The following PTPRD variants were observed in gnomAD, a reference collection of about 807,000 sequenced individuals.
PTPRD encodes the protein receptor-type tyrosine-protein phosphatase delta.
Under a neutral mutation model 214.5 loss-of-function variants are expected in PTPRD, and 34 were observed. The ratio of observed to expected loss-of-function variants is 0.16; its 90% CI spans 0.12 to 0.21. The LOEUF is 0.21. Among genes scored for constraint, PTPRD ranks in the 10% least tolerant of loss-of-function variants. The pLI is 1.00. For missense variants in PTPRD, 2,545 were observed against 2,398.7 expected (o/e 1.06, Z -1.27); for synonymous variants, 1,128 against 845.7 (o/e 1.33, Z -5.79).
chr9:9,517,790 G>A (rs977455788), intron 8 of PTPRD, among the ~76,000 whole-genome samples: 3 of 151,888 alleles, frequency 2.0e-5, no homozygotes, highest in African/African-American at 2.4e-5. Context: ...TAACACATAT[G>A]ACCCTAATTT....
Position 9,404,831 on chromosome 9 carries a change from G to C in PTPRD, c.-236-7349C>G, listed in dbSNP as rs936969416. 3.9e-5 allele frequency among the ~76,000 whole-genome samples: 6 copies of C among 151,982 alleles called. No homozygotes were observed. The South Asian group carries it at 1.0e-3, about 26-fold the overall frequency. ...CCGAGAAGTCCTGATATTAAGAGTG[G>C]GAACTGAAGACATGTTGCAACAAAA... On this transcript the variant is annotated intron_variant, in intron 8 of 45. Transcript: ENST00000381196.
At chr9:10,284,881 G>C (rs1333863302) in intron 3 of PTPRD, among the ~76,000 whole-genome samples, 2 of 152,126 alleles carry the variant, frequency 1.3e-5, no homozygotes, top group African/African-American at 2.4e-5. Context: ...GGGAATGTAA[G>C]GAATTGAGAT....
intron 5 of PTPRD, chr9:9,803,579 A>G (rs1327556890): frequency 6.6e-6 from 1 of 151,958 alleles, no homozygotes; most frequent in Admixed American, 6.6e-5. Flanking sequence ...CTGTTTTAAT[A>G]AGGCATCTGA....
intron 8 of PTPRD, among the ~76,000 whole-genome samples, chr9:9,402,835 A>T (rs530987531): frequency 7.2e-5 from 11 of 151,996 alleles, no homozygotes; most frequent in African/African-American, 2.7e-4. Context: ...TAAAGGAAGA[A>T]TTAATGGGCA....
At chr9:8,835,455 A>G (rs1454519179) in intron 11 of PTPRD, among the ~76,000 whole-genome samples, 2 of 152,224 alleles carry the variant, frequency 1.3e-5, no homozygotes, top group Non-Finnish European at 2.9e-5. Flanking sequence ...TTAAAGCAAC[A>G]GTGATTCAAC....
At chr9:9,263,553 T>C (rs2099981061) in intron 9 of PTPRD, among the ~76,000 whole-genome samples, 1 of 151,720 alleles carries the variant, frequency 6.6e-6, no homozygotes, top group Admixed American at 6.6e-5. Context: ...CATTATATTC[T>C]TGGTACTTAG....
intron 44 of PTPRD, among the ~76,000 whole-genome samples, chr9:8,326,531 C>G (rs888153272): frequency 2.0e-5 from 3 of 151,308 alleles, no homozygotes; most frequent in African/African-American, 7.3e-5. Flanking sequence ...CTGGAATTTT[C>G]TTTTTTGTTG....
At chr9:8,923,459 G>A (rs1488990951) in intron 11 of PTPRD, among the ~76,000 whole-genome samples, 1 of 151,858 alleles carries the variant, frequency 6.6e-6, no homozygotes, top group Admixed American at 6.6e-5. Flanking sequence ...CCACTCCTGT[G>A]GCCCGTGGTC....
intron 11 of PTPRD, among the ~76,000 whole-genome samples, chr9:8,836,818 G>C (rs984746732): frequency 5.3e-5 from 8 of 151,510 alleles, no homozygotes; most frequent in African/African-American, 1.9e-4. Context: ...GGATGGTCTT[G>C]ATCTCCTGAC....
At chr9:9,550,404 G>C (rs1251137346) in intron 8 of PTPRD, among the ~76,000 whole-genome samples, 1 of 120,454 alleles carries the variant, frequency 8.3e-6, no homozygotes, top group Admixed American at 8.5e-5. Flanking sequence ...TATATGAAAT[G>C]TATAATTTTA....
intron 6 of PTPRD, among the ~76,000 whole-genome samples, chr9:9,765,692 GC>G (rs1318479163): frequency 6.6e-6 from 1 of 152,076 alleles, no homozygotes; most frequent in Non-Finnish European, 1.5e-5. Flanking sequence ...ACGGAGTCTC[GC>G]TCTGTCGCCC....
chr9:8,846,466 A>T (rs1316571827), intron 11 of PTPRD, among the ~76,000 whole-genome samples: 1 of 152,232 alleles, frequency 6.6e-6, no homozygotes, highest in Admixed American at 6.5e-5. Flanking sequence ...ATGCATTATG[A>T]TAGACACTAT....
chr9:10,460,810 G>C (rs940311824), intron 2 of PTPRD, among the ~76,000 whole-genome samples: 2 of 152,052 alleles, frequency 1.3e-5, no homozygotes, highest in African/African-American at 4.8e-5. Flanking sequence ...TAGAGGAAAA[G>C]CTCCTTGACA....
intron 10 of PTPRD, among the ~76,000 whole-genome samples, chr9:9,047,660 T>C (rs2099675558): frequency 6.6e-6 from 1 of 152,124 alleles, no homozygotes. Context: ...AGACAGTCTC[T>C]TCAATAAATG....
intron 39 of PTPRD, among the ~76,000 whole-genome samples, chr9:8,355,824 T>A (rs143743017): frequency 2.0e-4 from 31 of 152,286 alleles, no homozygotes; most frequent in African/African-American, 6.7e-4. Context: ...AGATTGTGCA[T>A]TTCCAACAAG....
intron 14 of PTPRD, among the ~76,000 whole-genome samples, chr9:8,604,501 A>G (rs914053646): frequency 7.9e-5 from 12 of 152,212 alleles, no homozygotes; most frequent in African/African-American, 2.9e-4. Context: ...GGGTAAGTCC[A>G]AGATGAGGCC....
At chr9:9,152,624 T>C (rs549655701) in intron 10 of PTPRD, among the ~76,000 whole-genome samples, 1 of 152,306 alleles carries the variant, frequency 6.6e-6, no homozygotes, top group African/African-American at 2.4e-5. Context: ...TGGTGCCAAA[T>C]GAATTGCTTG....
chr9:10,391,321 CTGACAGTTTTCTTTTTGTCT>C (rs1367492349), intron 2 of PTPRD, among the ~76,000 whole-genome samples: 3 of 151,724 alleles, frequency 2.0e-5, no homozygotes, highest in African/African-American at 7.3e-5. Context: ...ACATTAAAAT[CTGACAGTTTTCTTTTTGTCT>C]TGATCCATCA....
At chr9:9,812,300 T>C (rs1429046345) in intron 5 of PTPRD, among the ~76,000 whole-genome samples, 1 of 152,130 alleles carries the variant, frequency 6.6e-6, no homozygotes, top group African/African-American at 2.4e-5. Context: ...CTCAAAGGTA[T>C]GCCTGTAATA....
Sources: allele counts gnomAD v4.1 joint callset (sites outside exome capture counted in the v4.1 genomes callset), GRCh38; gene constraint gnomAD v4.1.1; transcripts MANE v1.5; gene names NCBI Gene and HGNC (gene_info 2026-07-23, HGNC 2026-07-21).